The following DGKH variants were observed in gnomAD, a reference collection of about 807,000 sequenced individuals.
DGKH encodes the protein DAG kinase eta.
DGKH carries 90 observed loss-of-function variants against 159.3 expected under a neutral mutation model. That is an observed-to-expected ratio of 0.57 (90% CI 0.48 to 0.67). The LOEUF (loss-of-function observed/expected upper bound fraction) is 0.67. Ranked by LOEUF, DGKH falls within the 30% of genes least tolerant of loss-of-function variation. The probability of loss-of-function intolerance (pLI) is 0.00; values close to 1 mark genes in which losing one functional copy is unlikely to be tolerated. For synonymous variants in DGKH, 536 were observed against 553.8 expected, an observed-to-expected ratio of 0.97 and a Z score of 0.45; for missense variants, 1,181 against 1,506.1, an observed-to-expected ratio of 0.78 and a Z score of 3.57.
chr13:42,059,092 A>C (rs1881957965), intron 1 of DGKH, among the ~76,000 whole-genome samples: 1 of 152,216 alleles, frequency 6.6e-6, no homozygotes, highest in Admixed American at 6.5e-5. Context: ...AATGGTGATT[A>C]AATAAATATA....
intron 1 of DGKH, chr13:42,069,860 C>T: frequency 9.0e-6 from 7 of 775,786 alleles, no homozygotes; most frequent in Non-Finnish European, 1.5e-5. Flanking sequence ...AAAGCAGGAT[C>T]CCCCAGATAC....
chr13:42,144,922 C>T (rs1025217274), intron 3 of DGKH, among the ~76,000 whole-genome samples: 2 of 152,230 alleles, frequency 1.3e-5, no homozygotes, highest in African/African-American at 2.4e-5. Flanking sequence ...TCCTTATTAC[C>T]TTCAAGTGAG....
At position 42,055,644 on chromosome 13, in the gene DGKH, G is replaced by A. The variant is rs566790167; in HGVS notation, c.192+6679G>A. Among the ~76,000 whole-genome samples the A allele has an allele frequency of 4.6e-5, 7 of 152,306 alleles. No homozygotes were observed. The South Asian group carries it at 6.2e-4, about 14-fold the overall frequency. ...GGCCCCGTTCTGTTTCCAGGGTACA[G>A]TGTTTTTCACTCATATTGGATTTGT... On this transcript the variant is annotated intron_variant, in intron 1 of 29. Transcript: ENST00000337343.
chr13:42,086,227 T>A (rs1199253226), intron 1 of DGKH, among the ~76,000 whole-genome samples: 1 of 152,166 alleles, frequency 6.6e-6, no homozygotes, highest in Non-Finnish European at 1.5e-5. Context: ...AAACCTTAAA[T>A]TTCTTATAAG....
intron 29 of DGKH, among the ~76,000 whole-genome samples, chr13:42,224,186 A>G (rs914099542): frequency 4.6e-5 from 7 of 152,206 alleles, no homozygotes; most frequent in Non-Finnish European, 8.8e-5. Flanking sequence ...GAGAATTTCA[A>G]TCTTAACATG....
intron 1 of DGKH, among the ~76,000 whole-genome samples, chr13:42,063,959 A>G (rs1200642542): frequency 6.6e-6 from 1 of 151,582 alleles, no homozygotes; most frequent in East Asian, 1.9e-4. Flanking sequence ...ATATATATAT[A>G]TATATACTGT....
intron 7 of DGKH, among the ~76,000 whole-genome samples, chr13:42,163,568 A>G (rs573979979): frequency 2.0e-5 from 3 of 152,254 alleles, no homozygotes; most frequent in East Asian, 1.9e-4. Context: ...CGGGTGTGAG[A>G]TGGTATCTCA....
At chr13:42,213,750 A>C (rs574304228) in intron 24 of DGKH, among the ~76,000 whole-genome samples, 1 of 152,312 alleles carries the variant, frequency 6.6e-6, no homozygotes, top group Admixed American at 6.5e-5. Context: ...AGCAAAAAAA[A>C]CACTTGAACA....
At chr13:42,161,673 G>A (rs1408509891) in intron 7 of DGKH, among the ~76,000 whole-genome samples, 9 of 152,078 alleles carry the variant, frequency 5.9e-5, no homozygotes, top group South Asian at 4.2e-4. Flanking sequence ...CCAGCTACTC[G>A]GGAGGCTGAG....
intron 3 of DGKH, among the ~76,000 whole-genome samples, chr13:42,144,014 T>C (rs1242458199): frequency 6.6e-6 from 1 of 152,188 alleles, no homozygotes; most frequent in Non-Finnish European, 1.5e-5. Flanking sequence ...AAAAAATTAT[T>C]TTAATTCCCA....
intron 26 of DGKH, among the ~76,000 whole-genome samples, chr13:42,218,564 A>G (rs1186141989): frequency 4.4e-5 from 6 of 137,702 alleles, no homozygotes; most frequent in Non-Finnish European, 6.0e-5. Context: ...GCTGGAGTGC[A>G]GTGGCGCTAT....
chr13:42,227,710 A>G (rs903357033), intron 29 of DGKH, among the ~76,000 whole-genome samples: 2 of 152,206 alleles, frequency 1.3e-5, no homozygotes, highest in Non-Finnish European at 2.9e-5. Context: ...AAATATCTTG[A>G]AATTATCTCA....
At chr13:42,201,266 C>G (rs1238368889) in intron 20 of DGKH, among the ~76,000 whole-genome samples, 4 of 152,192 alleles carry the variant, frequency 2.6e-5, no homozygotes, top group Non-Finnish European at 5.9e-5. Flanking sequence ...GCTGGGATTA[C>G]TGGTGTGTGC....
intron 1 of DGKH, among the ~76,000 whole-genome samples, chr13:42,076,118 C>T (rs181413167): frequency 6.6e-6 from 1 of 151,794 alleles, no homozygotes; most frequent in Non-Finnish European, 1.5e-5. Context: ...TAAATAAATT[C>T]CTCAAAATTT....
At chr13:42,197,558 G>C (rs1957232543) in intron 17 of DGKH, among the ~76,000 whole-genome samples, 1 of 151,824 alleles carries the variant, frequency 6.6e-6, no homozygotes, top group African/African-American at 2.4e-5. Flanking sequence ...CTAAAGAAAG[G>C]AATTGCTGGG....
chr13:42,213,844 T>C (rs1957724954), intron 24 of DGKH, among the ~76,000 whole-genome samples: 1 of 152,204 alleles, frequency 6.6e-6, no homozygotes, highest in Admixed American at 6.5e-5. Context: ...TCCTTGGCCT[T>C]AGTGCCTTCC....
In DGKH at chr13:42,155,406, A is replaced by G. The variant is rs759188749; in HGVS notation, c.489+11A>G. On this transcript the variant is annotated intron_variant, in intron 4 of 29. Coordinates refer to ENST00000337343, the MANE Select transcript of DGKH (RefSeq NM_178009.5). Reference sequence around the variant, plus strand: ...AGAGAACCCTACGAGGTAAAATAGCATCTTTTCTTTCATCTCGTGTTCTTA... The same window carrying G: ...AGAGAACCCTACGAGGTAAAATAGCGTCTTTTCTTTCATCTCGTGTTCTTA... 1.2e-6 allele frequency: 2 copies of G among 1,604,444 alleles called. No individual in the cohort carries two copies. Among genetic ancestry groups the G allele is most frequent in the Non-Finnish European group, 1.7e-6 (2 of 1,174,472 alleles).
At position 42,048,931 on chromosome 13, in the gene DGKH, G is replaced by T; in HGVS notation, c.158G>T (p.Arg53Leu). 7.5e-7 allele frequency: 1 copy of T among 1,326,678 alleles called. No homozygotes were observed. The highest frequency in any genetic ancestry group is 2.8e-5 in the East Asian group (1 of 35,432). 82.2% of individuals were successfully genotyped at this position (1,326,678 alleles called of 1,614,324 possible). The change falls in exon 1 of 30, where the codon CGC becomes CTC. Residue 53 changes from arginine to leucine, a missense_variant. Arg to Leu is a moderately radical substitution (Grantham distance 102). Coordinates refer to ENST00000337343, the MANE Select transcript of DGKH (RefSeq NM_178009.5). This position sits in a 1 kb window ranked among gnomAD's most constrained non-coding sequence, Gnocchi z 6.7. ...CAAGAGGGACCCCAGAAACTGATCC[G>T]CAAAGTGTCTACCTCGGGGCAGATC... The part of the protein sequence containing the change: ...AEQEGPQKLI[R>L]KVSTSGQIRT...
intron 1 of DGKH, among the ~76,000 whole-genome samples, chr13:42,072,880 T>G (rs1396587340): frequency 1.3e-5 from 2 of 152,088 alleles, no homozygotes; most frequent in Admixed American, 1.3e-4. Context: ...TGCCCCAACT[T>G]CCTTTCCTTC....
Sources: gnomAD v4.1 joint callset for allele counts (sites outside exome capture counted in the v4.1 genomes callset) on GRCh38, gnomAD v4.1.1 for gene constraint, Gnocchi (gnomAD v3.1) non-coding constraint, MANE v1.5 for transcripts, NCBI Gene and HGNC (gene_info 2026-07-23, HGNC 2026-07-21) for gene names.